Variants in HAS2 observed in about 807,000 individuals in gnomAD.
HAS2 encodes the protein HA synthase 2.
In HAS2, 16 loss-of-function variants were observed where a neutral mutation model predicts 51.6. That is an observed-to-expected ratio of 0.31 (90% CI 0.21 to 0.47). The LOEUF (loss-of-function observed/expected upper bound fraction) is 0.47, where lower values mean the gene tolerates loss of function less well. HAS2 is among the 20% of genes least tolerant of loss of function. The probability of loss-of-function intolerance (pLI) is 1.00; values close to 1 mark genes in which losing one functional copy is unlikely to be tolerated. For missense variants in HAS2, 361 were observed against 662.6 expected (o/e 0.54, Z 5.00); for synonymous variants, 228 against 235.5 (o/e 0.97, Z 0.29).
chr8:121,617,957 C>T (rs1812727262), intron 2 of HAS2, among the ~76,000 whole-genome samples: 1 of 151,090 alleles, frequency 6.6e-6, no homozygotes, highest in South Asian at 2.1e-4. Flanking sequence ...TTAAGCTATT[C>T]TAGAAATGCC....
intron 1 of HAS2, among the ~76,000 whole-genome samples, chr8:121,635,547 A>G (rs1263108503): frequency 6.6e-6 from 1 of 152,220 alleles, no homozygotes; most frequent in Non-Finnish European, 1.5e-5. Context: ...ACTCTGCCTC[A>G]TATTAGCAAC....
intron 3 of HAS2, among the ~76,000 whole-genome samples, 164 bp downstream of exon 3, chr8:121,616,941 C>G (rs1265795029): frequency 1.3e-5 from 2 of 152,128 alleles, no homozygotes; most frequent in Non-Finnish European, 2.9e-5. Flanking sequence ...GGAAAAGAGG[C>G]AGTGAAGCAG....
At chr8:121,633,565 G>A (rs1189331574) in intron 1 of HAS2, among the ~76,000 whole-genome samples, 1 of 152,188 alleles carries the variant, frequency 6.6e-6, no homozygotes, top group Non-Finnish European at 1.5e-5. Flanking sequence ...ACGACCTAAA[G>A]AGACATGAAA....
Position 121,629,215 on chromosome 8 carries a change from G to A in HAS2, c.126C>T (p.Tyr42=). The A allele has an allele frequency of 6.2e-7, 1 of 1,614,098 alleles. No homozygotes were observed. Among genetic ancestry groups the A allele is most frequent in the African/African-American group, 1.3e-5 (1 of 75,068 alleles). ...VGYQFIQTDN[Y]YFSFGLYGAF... ...CACCATACAGTCCAAAAGAGAAATAGTAATTATCCGTTTGGATAAACTGGT... is the reference window on the plus strand; with the variant it reads ...CACCATACAGTCCAAAAGAGAAATAATAATTATCCGTTTGGATAAACTGGT... The change falls in exon 2 of 4, where the codon TAC becomes TAT. Residue 42 remains tyrosine, a synonymous_variant. Transcript: ENST00000303924.
At position 121,617,186 on chromosome 8, in the gene HAS2, C is replaced by T; in HGVS notation, c.648G>A (p.Met216Ile). ...TCTCCACAGATGAGGCTGGGTCAAGCATAGTGTCTGAATCACAAACCTGCA... is the reference window on the plus strand; with the variant it reads ...TCTCCACAGATGAGGCTGGGTCAAGTATAGTGTCTGAATCACAAACCTGCA... ...DYVQVCDSDT[M>I]LDPASSVEMV... The change falls in exon 3 of 4, where the codon ATG becomes ATA. Residue 216 changes from methionine to isoleucine, a missense_variant. By Grantham distance (10) the Met-to-Ile change is conservative. Coordinates refer to ENST00000303924, the MANE Select transcript of HAS2 (RefSeq NM_005328.3). 6.2e-7 allele frequency: 1 copy of T among 1,608,364 alleles called. No homozygotes were observed. The highest frequency in any genetic ancestry group is 8.5e-7 in the Non-Finnish European group (1 of 1,175,734).
chr8:121,634,232 C>T (rs938348240), intron 1 of HAS2, among the ~76,000 whole-genome samples: 4 of 151,942 alleles, frequency 2.6e-5, no homozygotes, highest in Non-Finnish European at 2.9e-5. Context: ...TGTGTGCTAC[C>T]GTGCCCGGCC....
intron 3 of HAS2, among the ~76,000 whole-genome samples, chr8:121,615,378 C>T (rs1483936036): frequency 6.6e-6 from 1 of 152,092 alleles, no homozygotes; most frequent in Non-Finnish European, 1.5e-5. Context: ...GCTCTGTCAC[C>T]CAGACTGGAG....
intron 1 of HAS2, 48 bp from the exon 2 acceptor site, chr8:121,629,388 A>G (rs780049469): frequency 6.9e-7 from 1 of 1,446,302 alleles, no homozygotes. Context: ...ATTGTCCCAC[A>G]CTTGTTATAT....
intron 1 of HAS2, among the ~76,000 whole-genome samples, chr8:121,637,857 GGCATGGGTTT>G (rs1262079563): frequency 6.6e-6 from 1 of 152,142 alleles, no homozygotes; most frequent in Non-Finnish European, 1.5e-5. Context: ...ACAGAAACAC[GGCATGGGTTT>G]GCATGGATAA....
At chr8:121,633,721 C>T (rs932469118) in intron 1 of HAS2, among the ~76,000 whole-genome samples, 5 of 152,168 alleles carry the variant, frequency 3.3e-5, no homozygotes, top group Non-Finnish European at 5.9e-5. Flanking sequence ...ACAGCCTTGC[C>T]GTTGGCTCAT....
rs1813101387 is a variant in HAS2 at position 121,641,257 on chromosome 8, C to CT, written c.-406dup. ...AAAAAAAAAAAAAAAAAAAAAAAGCCTGTGGAAGACTCAGCAGAACCCAGG... is the reference window on the plus strand; with the variant it reads ...AAAAAAAAAAAAAAAAAAAAAAAGCCTTGTGGAAGACTCAGCAGAACCCAGG... On this transcript the variant is annotated 5_prime_UTR_variant, in exon 1 of 4. Coordinates refer to ENST00000303924, the MANE Select transcript of HAS2 (RefSeq NM_005328.3). 2 of 114,186 alleles carry CT rather than the reference C, an allele frequency of 1.8e-5. No individual in the cohort carries two copies. Among genetic ancestry groups the CT allele is most frequent in the African/African-American group, 6.7e-5 (2 of 29,776 alleles). The allele number at this position is 114,186 out of a possible 1,614,324, so 7.1% of individuals were successfully genotyped here.
chr8:121,614,580 C>A lies in HAS2; in HGVS notation c.1188G>T (p.Gln396His). Residue 396 changes from glutamine to histidine, a missense_variant, in exon 4 of 4, where the codon CAG (glutamine) becomes CAT (histidine). Coordinates refer to ENST00000303924, the MANE Select transcript of HAS2 (RefSeq NM_005328.3). The surrounding 1 kb of genome is among the most constrained non-coding windows in gnomAD (Gnocchi z 7.2). ...TCCAAATTTTACCCCGGTAGAAGAG[C>A]TGGATTACTGTGGCAATGAGAAAGA... ...FPFFLIATVI[Q>H]LFYRGKIWNI... The A allele has an allele frequency of 6.2e-7, 1 of 1,613,968 alleles. No homozygotes were observed. Among genetic ancestry groups the A allele is most frequent in the Non-Finnish European group, 8.5e-7 (1 of 1,179,858 alleles).
intron 1 of HAS2, among the ~76,000 whole-genome samples, chr8:121,635,479 A>C (rs1330286858): frequency 6.6e-6 from 1 of 152,204 alleles, no homozygotes; most frequent in Non-Finnish European, 1.5e-5. Flanking sequence ...AGTAATAACT[A>C]TGGCATGATG....
In HAS2 at chr8:121,629,224, C is replaced by A; in HGVS notation, c.117G>T (p.Thr39=). The change falls in exon 2 of 4, where the codon ACG becomes ACT. Residue 39 remains threonine, a synonymous_variant. Transcript: ENST00000303924. The part of the protein sequence containing the change: ...AYIVGYQFIQ[T]DNYYFSFGLY... ...GTCCAAAAGAGAAATAGTAATTATC[C>A]GTTTGGATAAACTGGTAGCCAACAA... is the stretch of plus-strand genomic sequence containing the variant. 1 of 1,613,992 alleles carries A rather than the reference C, an allele frequency of 6.2e-7. No homozygotes were observed. Among genetic ancestry groups the A allele is most frequent in the Non-Finnish European group, 8.5e-7 (1 of 1,179,914 alleles).
At position 121,614,422 on chromosome 8, in the gene HAS2, G is replaced by A; in HGVS notation, c.1346C>T (p.Pro449Leu). The A allele has an allele frequency of 6.2e-7, 1 of 1,614,088 alleles. No homozygotes were observed. Among genetic ancestry groups the A allele is most frequent in the Non-Finnish European group, 8.5e-7 (1 of 1,180,016 alleles). Reference protein sequence around the residue: ...YSVLYMSSLLPAKMFAIATIN... With the variant: ...YSVLYMSSLLLAKMFAIATIN... ...TGTTGCAATTGCAAACATCTTGGCG[G>A]GAAGTAAACTCGACATGTATAACAC... Residue 449 changes from proline to leucine, a missense_variant, in exon 4 of 4, where the codon CCC becomes CTC. By Grantham distance (98) the Pro-to-Leu change is moderately conservative. This residue lies in a region of HAS2 where 106 missense variants were observed against 241.0 expected (regional missense o/e 0.44). Transcript: ENST00000303924. The surrounding 1 kb of genome is among the most constrained non-coding windows in gnomAD (Gnocchi z 7.2).
chr8:121,623,297 G>A (rs955753536), intron 2 of HAS2, among the ~76,000 whole-genome samples: 4 of 152,112 alleles, frequency 2.6e-5, no homozygotes, highest in Non-Finnish European at 5.9e-5. Context: ...GAAAATGAGT[G>A]AAAGTTATAA....
chr8:121,616,786 G>T (rs1201075590), intron 3 of HAS2, among the ~76,000 whole-genome samples: 2 of 152,120 alleles, frequency 1.3e-5, no homozygotes, highest in African/African-American at 4.8e-5. Flanking sequence ...AGCAGAACAT[G>T]AAATATTAAG....
At position 121,617,218 on chromosome 8, in the gene HAS2, C is replaced by A. The variant is rs762385932; in HGVS notation, c.628-12G>T. On this transcript the variant is annotated splice_polypyrimidine_tract_variant and intron_variant, in intron 2 of 3. Coordinates refer to ENST00000303924, the MANE Select transcript of HAS2 (RefSeq NM_005328.3). ...TCTGAATCACAAACCTGCAAAGAAG[C>A]AAATGAAAAATGAGTTAAAGAAAAG... is the stretch of plus-strand genomic sequence containing the variant. 2.6e-6 allele frequency: 4 copies of A among 1,512,334 alleles called. No homozygotes were observed. The African/African-American group carries it at 4.2e-5, about 16-fold the overall frequency. 93.7% of individuals were successfully genotyped at this position (1,512,334 alleles called of 1,614,324 possible).
At chr8:121,623,142 T>TAGGAATATACAAGCCTTCCTTAGTAGA (rs1406488785) in intron 2 of HAS2, among the ~76,000 whole-genome samples, 46 of 152,132 alleles carry the variant, frequency 3.0e-4, no homozygotes, top group Non-Finnish European at 1.2e-4. Context: ...TAAAAGGAAT[T>TAGGAATATACAAGCCTTCCTTAGTAGA]AGGAATATAC....
Sources: gnomAD v4.1 joint callset for allele counts (sites outside exome capture counted in the v4.1 genomes callset) on GRCh38, gnomAD v4.1.1 for gene constraint, gnomAD v4.1.1 regional missense constraint, Gnocchi (gnomAD v3.1) non-coding constraint, MANE v1.5 for transcripts, NCBI Gene and HGNC (gene_info 2026-07-23, HGNC 2026-07-21) for gene names.